Variants in PLEKHA1 observed in about 807,000 individuals in gnomAD.
PLEKHA1 encodes the protein pleckstrin homology domain containing A1.
Under a neutral mutation model 52.0 loss-of-function variants are expected in PLEKHA1, and 34 were observed. The observed-to-expected ratio is 0.65, with a 90% CI of 0.50 to 0.87. The LOEUF (loss-of-function observed/expected upper bound fraction) is 0.87, where lower values mean the gene tolerates loss of function less well. PLEKHA1 is among the 40% of genes least tolerant of loss of function. PLEKHA1 has a pLI of 0.00. For missense variants in PLEKHA1, 497 were observed against 504.2 expected, an observed-to-expected ratio of 0.99 and a Z score of 0.14; for synonymous variants, 163 against 170.7, an observed-to-expected ratio of 0.95 and a Z score of 0.35.
chr10:122,426,670 T>G (rs918156971), intron 10 of PLEKHA1, among the ~76,000 whole-genome samples: 1 of 152,204 alleles, frequency 6.6e-6, no homozygotes, highest in Non-Finnish European at 1.5e-5. Flanking sequence ...TTGGACTTCC[T>G]CCTCTCCTTG....
chr10:122,407,789 T>C (rs952376477), intron 5 of PLEKHA1, among the ~76,000 whole-genome samples: 1 of 152,236 alleles, frequency 6.6e-6, no homozygotes, highest in African/African-American at 2.4e-5. Flanking sequence ...AGTGCAGTTA[T>C]ATACTGACCC....
At chr10:122,387,675 G>C (rs148900049) in intron 1 of PLEKHA1, 1 of 152,178 alleles carries the variant, frequency 6.6e-6, no homozygotes, top group Admixed American at 6.5e-5. Context: ...ATGGCAGCTG[G>C]AATGAGAGTC....
At chr10:122,425,046 C>T (rs112793343) in intron 10 of PLEKHA1, 87 bp downstream of exon 10, 6 of 1,210,264 alleles carry the variant, frequency 5.0e-6, no homozygotes, top group African/African-American at 1.6e-5. Flanking sequence ...AAGCTTGTTG[C>T]ACTTGAGGTT....
At chr10:122,388,627 C>T (rs2096733830) in intron 1 of PLEKHA1, among the ~76,000 whole-genome samples, 3 of 152,140 alleles carry the variant, frequency 2.0e-5, no homozygotes, top group Admixed American at 2.0e-4. Flanking sequence ...ATACTGTAAC[C>T]TATTAAGTAT....
intron 1 of PLEKHA1, among the ~76,000 whole-genome samples, chr10:122,378,146 G>A (rs1313725439): frequency 6.6e-6 from 1 of 152,114 alleles, no homozygotes; most frequent in Non-Finnish European, 1.5e-5. Flanking sequence ...CACTAGAATT[G>A]GAAGTGATGT....
downstream of PLEKHA1, chr10:122,435,944 A>C (rs557439266): frequency 1.4e-4 from 22 of 152,170 alleles, no homozygotes; most frequent in East Asian, 4.2e-3. Flanking sequence ...GTTTCCCCCC[A>C]ACAGCATCTT....
intron 11 of PLEKHA1, among the ~76,000 whole-genome samples, chr10:122,427,769 A>C (rs1187030067): frequency 6.6e-6 from 1 of 152,232 alleles, no homozygotes; most frequent in African/African-American, 2.4e-5. Context: ...GAAAATTTAA[A>C]GTATCTTAAA....
rs1554936829 is a variant in PLEKHA1, at chr10:122,424,193, T to TTTG, written c.682-6_682-5insTTG. 6.5e-6 allele frequency: 10 copies of TTTG among 1,536,480 alleles called. No individual in the cohort carries two copies. The African/African-American group carries it at 1.3e-4, about 20-fold the overall frequency. ...ACTGTTTTTTTTTTTTTTTTTTTTT[T>TTTG]GCCAGGAAAAGGAACCTCTTCGTGT... On this transcript the variant is annotated splice_polypyrimidine_tract_variant and splice_region_variant and intron_variant, in intron 8 of 11. Transcript: ENST00000368990.
chr10:122,382,184 G>A (rs2096624161), intron 1 of PLEKHA1, among the ~76,000 whole-genome samples: 1 of 152,158 alleles, frequency 6.6e-6, no homozygotes, highest in South Asian at 2.1e-4. Context: ...GTATGATTTA[G>A]TGCATTCACA....
chr10:122,423,437 AAAC>A (rs1408494961), intron 8 of PLEKHA1: 2 of 115,944 alleles, frequency 1.7e-5, no homozygotes, highest in South Asian at 2.8e-4. Flanking sequence ...AAAAAAAAAA[AAAC>A]AAAAAAAACA....
chr10:122,390,833 A>G (rs1034747591), intron 1 of PLEKHA1, among the ~76,000 whole-genome samples: 1 of 136,902 alleles, frequency 7.3e-6, no homozygotes, highest in South Asian at 2.4e-4. Flanking sequence ...TGGCTGGATC[A>G]TATGGTAATT....
chr10:122,397,961 C>T lies in PLEKHA1; in HGVS notation c.185C>T (p.Thr62Ile), dbSNP rs2096873634. ...TCACGTGTTGGAGCCATTAAGCTTA[C>T]CTACATTTCAAAGGTAGTCTTTATA... ...GSSRVGAIKL[T>I]YISKVSDATK... The change falls in exon 3 of 12, where the codon ACC (threonine) becomes ATC (isoleucine). Residue 62 changes from threonine to isoleucine, a missense_variant. By Grantham distance (89) the Thr-to-Ile change is moderately conservative. Coordinates refer to ENST00000368990, the MANE Select transcript of PLEKHA1 (RefSeq NM_001001974.4). 3 of 1,608,670 alleles carry T rather than the reference C, an allele frequency of 1.9e-6. No individual in the cohort carries two copies. The highest frequency in any genetic ancestry group is 1.1e-5 in the South Asian group (1 of 90,532).
chr10:122,418,844 T>TA (rs1378241236), intron 8 of PLEKHA1: 6 of 152,204 alleles, frequency 3.9e-5, no homozygotes, highest in Admixed American at 3.9e-4. Context: ...GAAGGGAACT[T>TA]ATACTTTGTT....
chr10:122,429,203 A>G (rs10082462), intron 11 of PLEKHA1, among the ~76,000 whole-genome samples: 20,568 of 152,168 alleles, frequency 0.14, 1,579 homozygotes, highest in Middle Eastern at 0.2. Flanking sequence ...TTTTCATTCT[A>G]AAATATGTGG....
intron 8 of PLEKHA1, chr10:122,420,267 T>A (rs1445716724): frequency 6.6e-6 from 1 of 152,246 alleles, no homozygotes; most frequent in Non-Finnish European, 1.5e-5. Context: ...CTTGTCTATA[T>A]TTTTCTTTTT....
chr10:122,398,666 A>G (rs1242794060), intron 3 of PLEKHA1, among the ~76,000 whole-genome samples: 4 of 151,952 alleles, frequency 2.6e-5, no homozygotes, highest in African/African-American at 7.2e-5. Context: ...GATTACTTAT[A>G]TATGAGATGC....
At chr10:122,388,454 A>G (rs2096731414) in intron 1 of PLEKHA1, among the ~76,000 whole-genome samples, 1 of 152,178 alleles carries the variant, frequency 6.6e-6, no homozygotes, top group African/African-American at 2.4e-5. Context: ...TGAACATTTC[A>G]TATACAAGGG....
the PLEKHA1 span, chr10:122,438,082 C>G: frequency 2.0e-5 from 3 of 152,180 alleles, no homozygotes; most frequent in East Asian, 5.8e-4. Flanking sequence ...ATGGCAAAAT[C>G]CCATTTCTAC....
At chr10:122,422,306 C>G (rs1401568043) in intron 8 of PLEKHA1, 1 of 152,120 alleles carries the variant, frequency 6.6e-6, no homozygotes, top group African/African-American at 2.4e-5. Flanking sequence ...TGATGGGAAA[C>G]CTGGTATTAC....
Sources: allele counts gnomAD v4.1 joint callset (sites outside exome capture counted in the v4.1 genomes callset), GRCh38; gene constraint gnomAD v4.1.1; transcripts MANE v1.5; gene names NCBI Gene and HGNC (gene_info 2026-07-23, HGNC 2026-07-21).